CREB5: variants seen among roughly 807,000 people sequenced by gnomAD.
The protein encoded by CREB5 is cAMP responsive element binding protein 5, also known as cyclic AMP-responsive element-binding protein 5.
CREB5 carries 19 observed loss-of-function variants against 57.1 expected under a neutral mutation model. That is an observed-to-expected ratio of 0.33 (90% confidence interval 0.23 to 0.49). CREB5 has a LOEUF of 0.49. CREB5 is among the 20% of genes least tolerant of loss of function. CREB5 has a pLI of 0.99. For synonymous variants in CREB5, 238 were observed against 238.3 expected (o/e 1.00, Z 0.01); for missense variants, 579 against 671.6 (o/e 0.86, Z 1.52).
chr7:28,520,656 G>A (rs182122172), intron 4 of CREB5, among the ~76,000 whole-genome samples: 1 of 152,292 alleles, frequency 6.6e-6, no homozygotes, highest in Non-Finnish European at 1.5e-5. Flanking sequence ...CATTGTAAAG[G>A]ATTTTTAGAA....
chr7:28,545,817 G>T (rs1304686497), intron 4 of CREB5, among the ~76,000 whole-genome samples: 1 of 148,496 alleles, frequency 6.7e-6, no homozygotes, highest in East Asian at 1.9e-4. Context: ...AAAATTCATA[G>T]CTGTGTGTGT....
intron 1 of CREB5, among the ~76,000 whole-genome samples, chr7:28,347,468 A>C (rs1786083364): frequency 1.3e-5 from 2 of 152,202 alleles, no homozygotes; most frequent in South Asian, 4.1e-4. Flanking sequence ...TTAAAAAATG[A>C]AGTGAGTAAG....
intron 7 of CREB5, among the ~76,000 whole-genome samples, chr7:28,750,772 GTAA>G (rs1279405601): frequency 6.6e-6 from 1 of 152,056 alleles, no homozygotes; most frequent in East Asian, 1.9e-4. Flanking sequence ...TAATTAGCAT[GTAA>G]TAATTGTCAA....
chr7:28,623,462 C>T lies in CREB5; in HGVS notation c.464+52925C>T, dbSNP rs985730696. On this transcript the variant is annotated intron_variant, in intron 5 of 10. Transcript: ENST00000357727. ...ATCTGAAATGCCGCTTCTCTGTTTG[C>T]GAGGGTTAAATGGTTGTCTCAGGCC... 2.6e-5 allele frequency among the ~76,000 whole-genome samples: 4 copies of T among 152,126 alleles called. No individual in the cohort carries two copies. In the East Asian group the frequency reaches 5.8e-4, roughly 22 times the overall value.
intron 5 of CREB5, among the ~76,000 whole-genome samples, chr7:28,662,622 C>T (rs930310326): frequency 2.6e-5 from 4 of 152,166 alleles, no homozygotes; most frequent in Non-Finnish European, 5.9e-5. Flanking sequence ...TACTCAACCC[C>T]CAATTCCAGC....
intron 5 of CREB5, among the ~76,000 whole-genome samples, chr7:28,599,272 C>A (rs907116409): frequency 1.3e-5 from 2 of 151,940 alleles, no homozygotes; most frequent in South Asian, 4.2e-4. Context: ...AGAGAGAGAG[C>A]AAGAGATTGT....
At chr7:28,732,492 C>T (rs901693019) in intron 7 of CREB5, among the ~76,000 whole-genome samples, 3 of 151,998 alleles carry the variant, frequency 2.0e-5, no homozygotes, top group East Asian at 1.9e-4. Context: ...TGTGAGCACG[C>T]GTGTGTCCCT....
At chr7:28,409,930 G>A, upstream of CREB5, 1 of 453,920 alleles carries the variant, frequency 2.2e-6, no homozygotes, top group South Asian at 1.6e-5. This position sits in a 1 kb window ranked among gnomAD's most constrained non-coding sequence, Gnocchi z 4.4. Flanking sequence ...CCAGAAGTGC[G>A]GTCAAGCGGC....
intron 5 of CREB5, among the ~76,000 whole-genome samples, chr7:28,611,803 T>C (rs1458894396): frequency 6.6e-6 from 1 of 152,030 alleles, no homozygotes; most frequent in East Asian, 1.9e-4. Flanking sequence ...CTGTTCTATA[T>C]CATGGTTGCA....
chr7:28,399,668 C>A (rs1787412260), intron 1 of CREB5, among the ~76,000 whole-genome samples: 1 of 152,126 alleles, frequency 6.6e-6, no homozygotes, highest in African/African-American at 2.4e-5. Flanking sequence ...ATAATCCCAG[C>A]ACTTTTGGAG....
At chr7:28,603,545 C>T (rs1413091852) in intron 5 of CREB5, among the ~76,000 whole-genome samples, 1 of 152,174 alleles carries the variant, frequency 6.6e-6, no homozygotes, top group Non-Finnish European at 1.5e-5. Context: ...ATACATTTAG[C>T]AGGCTGTGCA....
intron 4 of CREB5, among the ~76,000 whole-genome samples, chr7:28,552,314 A>T (rs1304617479): frequency 6.6e-6 from 1 of 152,226 alleles, no homozygotes; most frequent in Non-Finnish European, 1.5e-5. Context: ...CTGGAATTAC[A>T]GGCATGAGTG....
chr7:28,637,004 A>C (rs547194084), intron 5 of CREB5, among the ~76,000 whole-genome samples: 1 of 152,190 alleles, frequency 6.6e-6, no homozygotes, highest in South Asian at 2.1e-4. Flanking sequence ...AAGTACAAAA[A>C]TTAGCCAGGT....
chr7:28,809,703 G>T (rs1179004764), intron 9 of CREB5, among the ~76,000 whole-genome samples: 5 of 152,202 alleles, frequency 3.3e-5, no homozygotes, highest in African/African-American at 1.2e-4. Context: ...CCAAACCATG[G>T]TTCAGCAATT....
chr7:28,357,153 C>T (rs1030532382), intron 1 of CREB5, among the ~76,000 whole-genome samples: 2 of 152,188 alleles, frequency 1.3e-5, no homozygotes, highest in Non-Finnish European at 2.9e-5. Context: ...ATTTCCCACT[C>T]TCCAGAGAGA....
chr7:28,797,719 G>C (rs1045655239), intron 7 of CREB5, among the ~76,000 whole-genome samples: 1 of 152,106 alleles, frequency 6.6e-6, no homozygotes, highest in Admixed American at 6.5e-5. Context: ...AAAGCATTTG[G>C]GGATCTAAGC....
At chr7:28,461,334 A>G (rs1263382957) in intron 1 of CREB5, among the ~76,000 whole-genome samples, 1 of 152,224 alleles carries the variant, frequency 6.6e-6, no homozygotes, top group Non-Finnish European at 1.5e-5. Flanking sequence ...ATATTTGTTC[A>G]ACAAATGTTT....
intron 3 of CREB5, among the ~76,000 whole-genome samples, chr7:28,502,898 T>C (rs1369908218): frequency 6.6e-6 from 1 of 152,218 alleles, no homozygotes. Flanking sequence ...CAAATGCAGC[T>C]CTGAAAGGGA....
At chr7:28,436,459 G>A (rs1788967212) in intron 1 of CREB5, among the ~76,000 whole-genome samples, 1 of 152,112 alleles carries the variant, frequency 6.6e-6, no homozygotes, top group African/African-American at 2.4e-5. Flanking sequence ...CTACTTATCT[G>A]TGTATTATTC....
Sources: allele counts gnomAD v4.1 joint callset (sites outside exome capture counted in the v4.1 genomes callset), GRCh38; gene constraint gnomAD v4.1.1; non-coding constraint Gnocchi (gnomAD v3.1); transcripts MANE v1.5; gene names NCBI Gene and HGNC (gene_info 2026-07-23, HGNC 2026-07-21).